The following FITM2 variants were observed in gnomAD, a reference collection of about 807,000 sequenced individuals.
FITM2 encodes the protein fat storage inducing transmembrane protein 2, also known as acyl-coenzyme A diphosphatase FITM2.
In FITM2, 16 loss-of-function variants were observed where a neutral mutation model predicts 23.3. The ratio of observed to expected loss-of-function variants is 0.69; its 90% confidence interval spans 0.47 to 1.05. The LOEUF is 1.05. FITM2 is among the 50% of genes least tolerant of loss of function. FITM2 has a pLI of 0.00. For missense variants in FITM2, 273 were observed against 327.5 expected (o/e 0.83, Z 1.29); for synonymous variants, 132 against 142.0 (o/e 0.93, Z 0.50).
In FITM2 at chr20:44,302,975, C is replaced by T. The variant is rs1023872976; in HGVS notation, c.*3650G>A. The T allele has an allele frequency of 6.6e-6, 1 of 152,124 alleles. No individual in the cohort carries two copies. Among genetic ancestry groups the T allele is most frequent in the Non-Finnish European group, 1.5e-5 (1 of 68,034 alleles). 9.4% of individuals were successfully genotyped at this position (152,124 alleles called of 1,614,324 possible). A position where few individuals can be genotyped will look rare whatever the true frequency, so the allele number is the denominator to read the frequency against. ...TGACAGATGCACGTGGAAAATGAGG[C>T]GTCAGTGAATTAATCTCAACATAGA... is the stretch of plus-strand genomic sequence containing the variant. On this transcript the variant is annotated 3_prime_UTR_variant, in exon 2 of 2. Transcript: ENST00000396825.
chr20:44,304,489 A>G lies in FITM2; in HGVS notation c.*2136T>C, dbSNP rs1001721571. The G allele has an allele frequency of 1.3e-5, 2 of 152,204 alleles. No individual in the cohort carries two copies. The highest frequency in any genetic ancestry group is 4.8e-5 in the African/African-American group (2 of 41,442). The allele number at this position is 152,204 out of a possible 1,614,324, so 9.4% of individuals were successfully genotyped here. On this transcript the variant is annotated 3_prime_UTR_variant, in exon 2 of 2. Coordinates refer to ENST00000396825, the MANE Select transcript of FITM2 (RefSeq NM_001080472.4). Reference sequence around the variant, plus strand: ...AAGCTGGAAACTGAAAAGTGCTGCAAAGGGGAGAGAAAAAGGAAACTGATT... The same window carrying G: ...AAGCTGGAAACTGAAAAGTGCTGCAGAGGGGAGAGAAAAAGGAAACTGATT...
Position 44,306,888 on chromosome 20 carries a change from C to T in FITM2, c.526G>A (p.Val176Met), listed in dbSNP as rs1371261083. ...AGGCAGTGGCTTCGGTCCGTCTTCACCTCATGCAGCACAGACATCTCTTCT... is the reference window on the plus strand; with the variant it reads ...AGGCAGTGGCTTCGGTCCGTCTTCATCTCATGCAGCACAGACATCTCTTCT... The part of the protein sequence containing the change: ...IVEEMSVLHE[V>M]KTDRSHCLHT... Residue 176 changes from valine to methionine, a missense_variant, in exon 2 of 2, where the codon GTG (valine) becomes ATG (methionine). Coordinates refer to ENST00000396825, the MANE Select transcript of FITM2 (RefSeq NM_001080472.4). 4.3e-6 allele frequency: 7 copies of T among 1,614,068 alleles called. No homozygotes were observed. The highest frequency in any genetic ancestry group is 5.9e-6 in the Non-Finnish European group (7 of 1,180,030).
Position 44,306,446 on chromosome 20 carries a change from T to A in FITM2, c.*179A>T, listed in dbSNP as rs2062689686. 1 of 740,232 alleles carries A rather than the reference T, an allele frequency of 1.4e-6. No homozygotes were observed. 45.9% of individuals were successfully genotyped at this position (740,232 alleles called of 1,614,324 possible). Reference sequence around the variant, plus strand: ...ATGGTGGTGCTTGCAACACTGGTGATGTCGCCAAGAATAGTCTGAAGACTA... The same window carrying A: ...ATGGTGGTGCTTGCAACACTGGTGAAGTCGCCAAGAATAGTCTGAAGACTA... On this transcript the variant is annotated 3_prime_UTR_variant, in exon 2 of 2. Transcript: ENST00000396825.
In FITM2 at chr20:44,306,433, G is replaced by A; in HGVS notation, c.*192C>T. On this transcript the variant is annotated 3_prime_UTR_variant, in exon 2 of 2. Coordinates refer to ENST00000396825, the MANE Select transcript of FITM2 (RefSeq NM_001080472.4). ...TGCCTAACTGGGAATGGTGGTGCTT[G>A]CAACACTGGTGATGTCGCCAAGAAT... 1 of 653,384 alleles carries A rather than the reference G, an allele frequency of 1.5e-6. No homozygotes were observed. Among genetic ancestry groups the A allele is most frequent in the Non-Finnish European group, 2.5e-6 (1 of 405,100 alleles). 40.5% of individuals were successfully genotyped at this position (653,384 alleles called of 1,614,324 possible).
chr20:44,310,311 T>C (rs2062701484), intron 1 of FITM2, among the ~76,000 whole-genome samples: 1 of 152,042 alleles, frequency 6.6e-6, no homozygotes, highest in Non-Finnish European at 1.5e-5. Context: ...AAGGAGTGGA[T>C]GGGTGGAGTT....
rs2062684640 is a variant in FITM2, at chr20:44,304,487, C to T, written c.*2138G>A. 6.6e-6 allele frequency: 1 copy of T among 152,128 alleles called. No individual in the cohort carries two copies. Among genetic ancestry groups the T allele is most frequent in the African/African-American group, 2.4e-5 (1 of 41,410 alleles). 9.4% of individuals were successfully genotyped at this position (152,128 alleles called of 1,614,324 possible). A position where few individuals can be genotyped will look rare whatever the true frequency, so the allele number is the denominator to read the frequency against. On this transcript the variant is annotated 3_prime_UTR_variant, in exon 2 of 2. Coordinates refer to ENST00000396825, the MANE Select transcript of FITM2 (RefSeq NM_001080472.4). ...CAAAGCTGGAAACTGAAAAGTGCTGCAAAGGGGAGAGAAAAAGGAAACTGA... is the reference window on the plus strand; with the variant it reads ...CAAAGCTGGAAACTGAAAAGTGCTGTAAAGGGGAGAGAAAAAGGAAACTGA...
chr20:44,307,361 TC>T, intron 1 of FITM2, 121 bp from the exon 2 acceptor site: 1 of 1,160,024 alleles, frequency 8.6e-7, no homozygotes, highest in South Asian at 1.6e-5. Context: ...AAGCTACAGC[TC>T]ATAGCAACTA....
Position 44,303,310 on chromosome 20 carries a change from A to G in FITM2, c.*3315T>C, listed in dbSNP as rs2062681794. Reference sequence around the variant, plus strand: ...GGTTTGCCATGATCACACAGCTATCAGGAGTGGTGCCAAGATATGAACCCA... The same window carrying G: ...GGTTTGCCATGATCACACAGCTATCGGGAGTGGTGCCAAGATATGAACCCA... On this transcript the variant is annotated 3_prime_UTR_variant, in exon 2 of 2. Coordinates refer to ENST00000396825, the MANE Select transcript of FITM2 (RefSeq NM_001080472.4). 6.6e-6 allele frequency: 1 copy of G among 152,216 alleles called. No individual in the cohort carries two copies. The highest frequency in any genetic ancestry group is 2.4e-5 in the African/African-American group (1 of 41,456). The allele number at this position is 152,216 out of a possible 1,614,324, so 9.4% of individuals were successfully genotyped here.
chr20:44,308,231 C>A (rs376594824), intron 1 of FITM2, among the ~76,000 whole-genome samples: 1 of 152,276 alleles, frequency 6.6e-6, no homozygotes, highest in East Asian at 1.9e-4. Flanking sequence ...GGATTCAAAT[C>A]CAGGATCTGT....
Position 44,311,038 on chromosome 20 carries a change from G to A in FITM2, c.111C>T (p.Leu37=), listed in dbSNP as rs2146092917. The A allele has an allele frequency of 3.8e-6, 6 of 1,596,470 alleles. No homozygotes were observed. The South Asian group carries it at 4.5e-5, about 12-fold the overall frequency. The change falls in exon 1 of 2, where the codon CTC becomes CTT. Residue 37 remains leucine, a synonymous_variant. Transcript: ENST00000396825. The part of the protein sequence containing the change: ...ALVASMLAGS[L]LKELSPLPES... ...CGGGCAACGGGGACAACTCCTTGAG[G>A]AGGGAGCCCGCCAGCATGGAGGCCA...
chr20:44,310,854 G>C (rs2062702907), intron 1 of FITM2, 122 bp downstream of exon 1: 1 of 1,329,454 alleles, frequency 7.5e-7, no homozygotes, highest in Admixed American at 2.8e-5. Flanking sequence ...CTGCTGTCAC[G>C]GCTAGGAGGA....
intron 1 of FITM2, among the ~76,000 whole-genome samples, chr20:44,308,298 T>C (rs765736393): frequency 7.9e-5 from 12 of 152,176 alleles, no homozygotes; most frequent in Non-Finnish European, 1.2e-4. Flanking sequence ...TAATAATAAC[T>C]GAGCATTTAC....
intron 1 of FITM2, among the ~76,000 whole-genome samples, chr20:44,308,410 A>T (rs1408700191): frequency 6.6e-6 from 1 of 152,244 alleles, no homozygotes; most frequent in African/African-American, 2.4e-5. Context: ...AAGAAATCTA[A>T]GGCTCAGAAA....
rs1335193816 is a variant in FITM2 at position 44,304,053 on chromosome 20, C to G, written c.*2572G>C. ...AGCACCATGGTGCCACCTCCCATAT[C>G]TCATCACCTGTGTTTCTGCTCCTTT... On this transcript the variant is annotated 3_prime_UTR_variant, in exon 2 of 2. Transcript: ENST00000396825. 2.0e-5 allele frequency: 3 copies of G among 152,226 alleles called. No individual in the cohort carries two copies. Among genetic ancestry groups the G allele is most frequent in the Non-Finnish European group, 4.4e-5 (3 of 68,048 alleles). The allele number at this position is 152,226 out of a possible 1,614,324, so 9.4% of individuals were successfully genotyped here. A position where few individuals can be genotyped will look rare whatever the true frequency, so the allele number is the denominator to read the frequency against.
In FITM2 at chr20:44,310,963, G is replaced by T; in HGVS notation, c.173+13C>A. On this transcript the variant is annotated intron_variant, in intron 1 of 1. Coordinates refer to ENST00000396825, the MANE Select transcript of FITM2 (RefSeq NM_001080472.4). ...GCTCGGGCGGGGACAGCGGAGGACC[G>T]GGGTGCACTCACACGTTGAGGACGT... is the stretch of plus-strand genomic sequence containing the variant. The T allele has an allele frequency of 6.5e-7, 1 of 1,541,262 alleles. No individual in the cohort carries two copies. The highest frequency in any genetic ancestry group is 1.2e-5 in the South Asian group (1 of 83,098).
rs769145443 is a variant in FITM2, at chr20:44,310,961, C to T, written c.173+15G>A. On this transcript the variant is annotated intron_variant, in intron 1 of 1. Coordinates refer to ENST00000396825, the MANE Select transcript of FITM2 (RefSeq NM_001080472.4). Reference sequence around the variant, plus strand: ...CGGCTCGGGCGGGGACAGCGGAGGACCGGGGTGCACTCACACGTTGAGGAC... The same window carrying T: ...CGGCTCGGGCGGGGACAGCGGAGGATCGGGGTGCACTCACACGTTGAGGAC... The T allele has an allele frequency of 1.6e-5, 25 of 1,536,722 alleles. 1 individual carries two copies. In the South Asian group the frequency reaches 2.9e-4, roughly 18 times the overall value.
At chr20:44,307,648 A>G (rs922674545) in intron 1 of FITM2, among the ~76,000 whole-genome samples, 3 of 150,728 alleles carry the variant, frequency 2.0e-5, no homozygotes, top group African/African-American at 7.3e-5. Context: ...CTGGTCTCGA[A>G]CTCCTGGCCT....
chr20:44,310,980 T>C lies in FITM2; in HGVS notation c.169A>G (p.Asn57Asp). 1 of 1,551,600 alleles carries C rather than the reference T, an allele frequency of 6.4e-7. No homozygotes were observed. Among genetic ancestry groups the C allele is most frequent in the South Asian group, 1.2e-5 (1 of 84,026 alleles). ...SYLSNKRNVLNVYFVKVAWAW... is the reference protein window; with the variant it reads ...SYLSNKRNVLDVYFVKVAWAW... ...GGAGGACCGGGGTGCACTCACACGT[T>C]GAGGACGTTGCGCTTGTTGCTGAGG... is the stretch of plus-strand genomic sequence containing the variant. Residue 57 changes from asparagine (N) to aspartate (D), a missense_variant, in exon 1 of 2, where the codon AAC (asparagine) becomes GAC (aspartate). Coordinates refer to ENST00000396825, the MANE Select transcript of FITM2 (RefSeq NM_001080472.4).
At position 44,307,035 on chromosome 20, in the gene FITM2, G is replaced by T. The variant is rs2062692214; in HGVS notation, c.379C>A (p.Leu127Met). The T allele has an allele frequency of 6.2e-7, 1 of 1,614,076 alleles. No individual in the cohort carries two copies. The highest frequency in any genetic ancestry group is 1.3e-5 in the African/African-American group (1 of 74,918). Reference sequence around the variant, plus strand: ...TGGTGTTCCTTTCTGACCCCCTCCAGGGCTGGGGACTGGTAGCAGCTGCCC... The same window carrying T: ...TGGTGTTCCTTTCTGACCCCCTCCATGGCTGGGGACTGGTAGCAGCTGCCC... The part of the protein sequence containing the change: ...YTGSCYQSPA[L>M]EGVRKEHQSK... The change falls in exon 2 of 2, where the codon CTG (leucine) becomes ATG (methionine). Residue 127 changes from leucine to methionine, a missense_variant. This residue lies in a region of FITM2 where 117 missense variants were observed against 183.3 expected (regional missense o/e 0.64). Coordinates refer to ENST00000396825, the MANE Select transcript of FITM2 (RefSeq NM_001080472.4).
Sources: allele counts gnomAD v4.1 joint callset (sites outside exome capture counted in the v4.1 genomes callset), GRCh38; gene constraint gnomAD v4.1.1; regional missense constraint gnomAD v4.1.1; transcripts MANE v1.5; gene names NCBI Gene and HGNC (gene_info 2026-07-23, HGNC 2026-07-21).